The following PLGRKT variants were observed in gnomAD, a reference collection of about 807,000 sequenced individuals.
PLGRKT encodes plasminogen receptor with a C-terminal lysine, also known as plasminogen receptor (KT).
PLGRKT carries 22 observed loss-of-function variants against 18.5 expected under a neutral mutation model. The ratio of observed to expected loss-of-function variants is 1.19; its 90% CI spans 0.85 to 1.70. The LOEUF is 1.70. PLGRKT is among the 40% of genes most tolerant of loss of function. The pLI is 0.00. For synonymous variants in PLGRKT, 72 were observed against 52.8 expected (o/e 1.36, Z -1.58); for missense variants, 235 against 174.4 (o/e 1.35, Z -1.96).
intron 3 of PLGRKT, among the ~76,000 whole-genome samples, chr9:5,413,874 G>C (rs2131148737): frequency 6.6e-6 from 1 of 152,252 alleles, no homozygotes; most frequent in Non-Finnish European, 1.5e-5. Flanking sequence ...AAATGATAAA[G>C]ATCTCTATGA....
At chr9:5,379,443 A>G (rs551592667) in intron 3 of PLGRKT, among the ~76,000 whole-genome samples, 1 of 152,214 alleles carries the variant, frequency 6.6e-6, no homozygotes, top group African/African-American at 2.4e-5. Flanking sequence ...TTAACAATTT[A>G]GTTTCTCAGA....
chr9:5,435,756 T>C (rs1370934164), intron 2 of PLGRKT, among the ~76,000 whole-genome samples: 1 of 152,206 alleles, frequency 6.6e-6, no homozygotes. Context: ...TTCTCAACAA[T>C]GTTGCTGATA....
intron 5 of PLGRKT, among the ~76,000 whole-genome samples, 174 bp downstream of exon 5, chr9:5,360,904 G>A (rs549286529): frequency 6.6e-6 from 1 of 152,284 alleles, no homozygotes; most frequent in East Asian, 1.9e-4. Context: ...CTTGTGAGCT[G>A]GTATGAGCTG....
At chr9:5,409,956 G>A (rs1437767528) in intron 3 of PLGRKT, among the ~76,000 whole-genome samples, 2 of 152,096 alleles carry the variant, frequency 1.3e-5, no homozygotes, top group Non-Finnish European at 2.9e-5. Context: ...CTAAGAACAA[G>A]CATAGGAGAA....
At chr9:5,420,562 T>C (rs972170896) in intron 3 of PLGRKT, among the ~76,000 whole-genome samples, 3 of 151,898 alleles carry the variant, frequency 2.0e-5, no homozygotes, top group Non-Finnish European at 4.4e-5. Flanking sequence ...AGTTAAGTCA[T>C]GCATGTACAC....
chr9:5,394,690 G>T (rs1818012695), intron 3 of PLGRKT, among the ~76,000 whole-genome samples: 1 of 151,950 alleles, frequency 6.6e-6, no homozygotes, highest in Non-Finnish European at 1.5e-5. Flanking sequence ...TGGGATTACA[G>T]GCGTAAGCCA....
intron 3 of PLGRKT, among the ~76,000 whole-genome samples, chr9:5,396,134 T>C (rs1033407872): frequency 6.6e-6 from 1 of 151,548 alleles, no homozygotes; most frequent in African/African-American, 2.4e-5. Context: ...CCTGAGGTGA[T>C]CAGTCCGCCT....
At chr9:5,380,363 T>A (rs1247724059) in intron 3 of PLGRKT, among the ~76,000 whole-genome samples, 4 of 135,984 alleles carry the variant, frequency 2.9e-5, no homozygotes, top group Admixed American at 1.5e-4. Flanking sequence ...CGAGACTCTG[T>A]CTCAATTAAA....
upstream of PLGRKT, among the ~76,000 whole-genome samples, chr9:5,438,257 A>T (rs1250371154): frequency 6.6e-6 from 1 of 152,232 alleles, no homozygotes; most frequent in African/African-American, 2.4e-5. Flanking sequence ...TGCTGCTCAG[A>T]GAGATGTCGG....
Position 5,415,815 on chromosome 9 carries a change from T to C in PLGRKT, c.81+16082A>G, listed in dbSNP as rs1347565755. On this transcript the variant is annotated intron_variant, in intron 3 of 5. Coordinates refer to ENST00000223864, the MANE Select transcript of PLGRKT (RefSeq NM_018465.4). ...GACCAGTATTTCTCAAAAGTACTTA[T>C]CATAAAAGGCAAGGAAAGAAAGAAT... is the stretch of plus-strand genomic sequence containing the variant. Among the ~76,000 whole-genome samples, 6 of 152,010 alleles carry C rather than the reference T, an allele frequency of 3.9e-5. 1 individual carries two copies. The South Asian group carries it at 8.3e-4, about 21-fold the overall frequency.
chr9:5,367,122 C>T (rs547746480), intron 3 of PLGRKT, among the ~76,000 whole-genome samples: 3 of 151,760 alleles, frequency 2.0e-5, no homozygotes, highest in East Asian at 1.9e-4. Flanking sequence ...GAACATTCCA[C>T]GCTCATGAAT....
intron 3 of PLGRKT, among the ~76,000 whole-genome samples, chr9:5,417,364 T>C (rs1025628597): frequency 6.6e-6 from 1 of 152,036 alleles, no homozygotes; most frequent in Non-Finnish European, 1.5e-5. Flanking sequence ...CTTCATACCA[T>C]ACATAAAAAT....
intron 3 of PLGRKT, among the ~76,000 whole-genome samples, chr9:5,381,419 G>A (rs1478428810): frequency 6.6e-6 from 1 of 152,228 alleles, no homozygotes; most frequent in Non-Finnish European, 1.5e-5. Context: ...TTGCTTCACA[G>A]GGTGCAAGCC....
chr9:5,408,809 A>T (rs939834939), intron 3 of PLGRKT, among the ~76,000 whole-genome samples: 1 of 152,216 alleles, frequency 6.6e-6, no homozygotes, highest in East Asian at 1.9e-4. Flanking sequence ...CCAGAGCCCC[A>T]CTTCCCTGCA....
At chr9:5,432,520 T>C (rs1049456813) in intron 2 of PLGRKT, among the ~76,000 whole-genome samples, 20 of 146,588 alleles carry the variant, frequency 1.4e-4, no homozygotes, top group Admixed American at 8.1e-4. Flanking sequence ...TCCCTCTTTC[T>C]ACGGTCTCCC....
At chr9:5,402,951 GGCATTAAAAACGTAAAA>G (rs1818183306) in intron 3 of PLGRKT, among the ~76,000 whole-genome samples, 1 of 151,670 alleles carries the variant, frequency 6.6e-6, no homozygotes, top group Admixed American at 6.6e-5. Context: ...ATGAGCAAGG[GGCATTAAAAACGTAAAA>G]TAAAGAAACT....
chr9:5,424,535 CAT>C (rs1437661377), intron 3 of PLGRKT, among the ~76,000 whole-genome samples: 7 of 104,616 alleles, frequency 6.7e-5, no homozygotes, highest in African/African-American at 8.9e-5. Context: ...ATATTATTAA[CAT>C]ATATGTTAAT....
intron 3 of PLGRKT, among the ~76,000 whole-genome samples, chr9:5,387,419 T>C (rs960057925): frequency 2.0e-5 from 3 of 151,846 alleles, no homozygotes; most frequent in Admixed American, 6.6e-5. Context: ...AACAGCAGAA[T>C]GGATAATTAT....
intron 3 of PLGRKT, among the ~76,000 whole-genome samples, chr9:5,384,076 T>C (rs1014857438): frequency 6.6e-6 from 1 of 152,196 alleles, no homozygotes. Flanking sequence ...GGCAGTGAGA[T>C]AGATGGATCT....
Sources: allele counts gnomAD v4.1 joint callset (sites outside exome capture counted in the v4.1 genomes callset), GRCh38; gene constraint gnomAD v4.1.1; transcripts MANE v1.5; gene names NCBI Gene and HGNC (gene_info 2026-07-23, HGNC 2026-07-21).